Variants in SRSF4 observed in about 807,000 individuals in gnomAD.
The protein encoded by SRSF4 is serine/arginine-rich splicing factor 4.
In SRSF4, 12 loss-of-function variants were observed where a neutral mutation model predicts 48.8. That is an observed-to-expected ratio of 0.25 (90% CI 0.16 to 0.40). The LOEUF (loss-of-function observed/expected upper bound fraction) is 0.40, where lower values mean the gene tolerates loss of function less well. SRSF4 is among the 10% of genes least tolerant of loss of function. The pLI is 1.00. For missense variants in SRSF4, 466 were observed against 667.1 expected (o/e 0.70, Z 3.32); for synonymous variants, 248 against 232.5 (o/e 1.07, Z -0.61).
chr1:29,150,755 T>A (rs1672397363), intron 4 of SRSF4, among the ~76,000 whole-genome samples: 1 of 152,196 alleles, frequency 6.6e-6, no homozygotes, highest in Non-Finnish European at 1.5e-5. Context: ...CTGATGCCAC[T>A]GTTATTCATA....
rs566229295 is a variant in SRSF4 at position 29,156,744 on chromosome 1, C to T, written c.364-1834G>A. Among the ~76,000 whole-genome samples the T allele has an allele frequency of 3.9e-5, 6 of 151,944 alleles. No homozygotes were observed. In the East Asian group the frequency reaches 9.6e-4, roughly 24 times the overall value. Reference sequence around the variant, plus strand: ...AAGGGTGGTAACTGTTGGGGACCAGCCTCAACACCACCCGTAGGGTACCCA... The same window carrying T: ...AAGGGTGGTAACTGTTGGGGACCAGTCTCAACACCACCCGTAGGGTACCCA... On this transcript the variant is annotated intron_variant, in intron 3 of 5. Coordinates refer to ENST00000373795, the MANE Select transcript of SRSF4 (RefSeq NM_005626.5).
Position 29,156,217 on chromosome 1 carries a change from G to T in SRSF4, c.364-1307C>A, listed in dbSNP as rs139313804. Among the ~76,000 whole-genome samples the T allele has an allele frequency of 5.7e-3, 861 of 152,104 alleles. 24 individuals carry two copies. Among genetic ancestry groups the T allele is most frequent in the East Asian group, 0.028 (143 of 5,166 alleles). On this transcript the variant is annotated intron_variant, in intron 3 of 5. Coordinates refer to ENST00000373795, the MANE Select transcript of SRSF4 (RefSeq NM_005626.5). ...AAAAATACAAAAATCAACCAGACGT[G>T]GTGGCAGGCGCTTGTAACCCCAGCT...
intron 1 of SRSF4, chr1:29,172,420 T>C (rs911352231): frequency 6.6e-6 from 1 of 152,088 alleles, no homozygotes; most frequent in African/African-American, 2.4e-5. Flanking sequence ...GCCTCCCGAG[T>C]AGCTAGGATT....
intron 1 of SRSF4, chr1:29,173,154 T>C (rs1672772132): frequency 1.5e-5 from 2 of 129,626 alleles, no homozygotes; most frequent in African/African-American, 2.9e-5. Context: ...TTTTTTTTTT[T>C]TGAGACAGAG....
Position 29,181,804 on chromosome 1 carries a change from GGCGGGCAAAGCGAGAGCACGGCGGCA to G in SRSF4, c.-78_-53del, listed in dbSNP as rs1558395940. Reference sequence around the variant, plus strand: ...CCGGCCCCAGCCCCCCTTAGGCGGCGGCGGGCAAAGCGAGAGCACGGCGGCAGCGGCGGCGGCGGCAACGGGCGGGC... The same window carrying G: ...CCGGCCCCAGCCCCCCTTAGGCGGCGGCGGCGGCGGCGGCAACGGGCGGGC... On this transcript the variant is annotated 5_prime_UTR_variant, in exon 1 of 6. Transcript: ENST00000373795. 2.6e-5 allele frequency: 39 copies of G among 1,475,502 alleles called. No homozygotes were observed. Among genetic ancestry groups the G allele is most frequent in the Admixed American group, 4.4e-5 (2 of 45,562 alleles). 91.4% of individuals were successfully genotyped at this position (1,475,502 alleles called of 1,614,324 possible).
At chr1:29,159,897 T>C (rs919421378) in intron 2 of SRSF4, 2 of 177,234 alleles carry the variant, frequency 1.1e-5, no homozygotes, top group South Asian at 2.3e-4. Flanking sequence ...TGTCTAACCC[T>C]TGGGATCCTC....
At chr1:29,175,466 C>T (rs576958386) in intron 1 of SRSF4, among the ~76,000 whole-genome samples, 19 of 150,796 alleles carry the variant, frequency 1.3e-4, no homozygotes, top group East Asian at 3.9e-4. Flanking sequence ...GAGGCCGAGG[C>T]GGGTGGATCA....
At chr1:29,181,371 C>A (rs1293528662) in intron 1 of SRSF4, among the ~76,000 whole-genome samples, 1 of 152,148 alleles carries the variant, frequency 6.6e-6, no homozygotes, top group South Asian at 2.1e-4. Flanking sequence ...GCTGTGCCCC[C>A]CTGCCCGGAG....
chr1:29,174,594 CTT>C (rs1272102769), intron 1 of SRSF4, among the ~76,000 whole-genome samples: 2 of 148,314 alleles, frequency 1.3e-5, no homozygotes, highest in African/African-American at 2.5e-5. Flanking sequence ...TATAAAATAA[CTT>C]ATAGTATGAT....
chr1:29,160,220 G>T, intron 2 of SRSF4, 155 bp downstream of exon 2: 1 of 833,016 alleles, frequency 1.2e-6, no homozygotes, highest in South Asian at 2.5e-5. Flanking sequence ...ATTATCAAAG[G>T]CTTATTTGTA....
At chr1:29,152,419 G>C (rs1365856410) in intron 4 of SRSF4, among the ~76,000 whole-genome samples, 1 of 152,060 alleles carries the variant, frequency 6.6e-6, no homozygotes, top group African/African-American at 2.4e-5. Context: ...AAAGTCAAAA[G>C]ACCTAAATAA....
At position 29,159,506 on chromosome 1, in the gene SRSF4, A is replaced by G. The variant is rs375333812; in HGVS notation, c.251-20T>C. The G allele has an allele frequency of 9.5e-6, 15 of 1,571,992 alleles. No homozygotes were observed. The highest frequency in any genetic ancestry group is 7.8e-5 in the South Asian group (7 of 89,600). ...ATCCACCTTTGGAAGGTTCAAATAA[A>G]TAAGATTATTTCAGTGGAAGAAAAG... On this transcript the variant is annotated intron_variant, in intron 2 of 5. Transcript: ENST00000373795.
chr1:29,152,137 T>C lies in SRSF4; in HGVS notation c.579-1945A>G, dbSNP rs147218648. ...TACAACAAACAAACAACTGAAAAATTGGAATACAACCTAGATATTACATCA... is the reference window on the plus strand; with the variant it reads ...TACAACAAACAAACAACTGAAAAATCGGAATACAACCTAGATATTACATCA... On this transcript the variant is annotated intron_variant, in intron 4 of 5. Transcript: ENST00000373795. 3.0e-4 allele frequency among the ~76,000 whole-genome samples: 46 copies of C among 152,254 alleles called. No homozygotes were observed. The East Asian group carries it at 7.7e-3, about 26-fold the overall frequency.
At chr1:29,165,788 G>A (rs1476739903) in intron 1 of SRSF4, 1 of 152,282 alleles carries the variant, frequency 6.6e-6, no homozygotes. Context: ...GCCTCCATGC[G>A]TGTGACCGTG....
In SRSF4 at chr1:29,158,106, T is replaced by A. The variant is rs143551923; in HGVS notation, c.363+1268A>T. ...ACTACTTGAACCCCAGAGGCGGAGG[T>A]TGCAGTGAGCTGAGATGGCGCCACT... On this transcript the variant is annotated intron_variant, in intron 3 of 5. Transcript: ENST00000373795. 2.2e-3 allele frequency among the ~76,000 whole-genome samples: 327 copies of A among 151,496 alleles called. 3 individuals carry two copies. Among genetic ancestry groups the A allele is most frequent in the African/African-American group, 7.2e-3 (298 of 41,248 alleles).
chr1:29,159,329 T>G (rs1384262236), intron 3 of SRSF4, 45 bp downstream of exon 3: 1 of 1,416,114 alleles, frequency 7.1e-7, no homozygotes, highest in South Asian at 1.2e-5. Flanking sequence ...TTCCCAACTT[T>G]AACTCCTGCC....
At chr1:29,159,600 G>A (rs552002780) in intron 2 of SRSF4, 114 bp from the exon 3 acceptor site, 17 of 548,928 alleles carry the variant, frequency 3.1e-5, no homozygotes, top group Non-Finnish European at 5.2e-5. Flanking sequence ...ACAATAGCAC[G>A]TTTTAACTCT....
At chr1:29,156,017 A>T (rs2151814279) in intron 3 of SRSF4, among the ~76,000 whole-genome samples, 1 of 152,308 alleles carries the variant, frequency 6.6e-6, no homozygotes, top group Non-Finnish European at 1.5e-5. Flanking sequence ...CTGCTGACAG[A>T]GCGGGACTCC....
At chr1:29,162,334 T>C (rs755913963) in intron 1 of SRSF4, among the ~76,000 whole-genome samples, 1 of 152,234 alleles carries the variant, frequency 6.6e-6, no homozygotes, top group Non-Finnish European at 1.5e-5. Flanking sequence ...TCAAAAGTGC[T>C]TTACAGTGAC....
Sources: gnomAD v4.1 joint callset for allele counts (sites outside exome capture counted in the v4.1 genomes callset) on GRCh38, gnomAD v4.1.1 for gene constraint, MANE v1.5 for transcripts, NCBI Gene and HGNC (gene_info 2026-07-23, HGNC 2026-07-21) for gene names.